Variants in RGS3 observed in about 807,000 individuals in gnomAD.
RGS3 encodes the protein regulator of G-protein signalling 3.
In RGS3, 80 loss-of-function variants were observed where a neutral mutation model predicts 132.6. The ratio of observed to expected loss-of-function variants is 0.60; its 90% CI spans 0.50 to 0.73. The LOEUF (loss-of-function observed/expected upper bound fraction) is 0.73. RGS3 is among the 30% of genes least tolerant of loss of function. RGS3 has a pLI of 0.00. For missense variants in RGS3, 1,382 were observed against 1,530.8 expected, an observed-to-expected ratio of 0.90 and a Z score of 1.62; for synonymous variants, 598 against 620.6, an observed-to-expected ratio of 0.96 and a Z score of 0.54.
intron 18 of RGS3, among the ~76,000 whole-genome samples, chr9:113,531,754 C>T (rs1056189812): frequency 2.0e-5 from 3 of 152,192 alleles, no homozygotes; most frequent in Non-Finnish European, 1.5e-5. Context: ...CCGAGACCTC[C>T]TGGGGCCAGT....
exon 20 of RGS3, chr9:113,583,587 C>G: frequency 6.2e-7 from 1 of 1,614,196 alleles, no homozygotes; most frequent in Non-Finnish European, 8.5e-7. Context: ...TTCCACCCAA[C>G]AAGGACTCCC....
chr9:113,561,586 ATTT>A (rs1181886025), intron 19 of RGS3, among the ~76,000 whole-genome samples: 3 of 133,268 alleles, frequency 2.3e-5, no homozygotes, highest in African/African-American at 5.6e-5. Context: ...CTAATTTTTA[ATTT>A]TTTTTTTTTT....
At chr9:113,596,265 C>T (rs538383593) in intron 24 of RGS3, among the ~76,000 whole-genome samples, 195 of 152,226 alleles carry the variant, frequency 1.3e-3, no homozygotes, top group African/African-American at 4.5e-3. Context: ...ACCCGGGAGG[C>T]GGAGGTTGCA....
intron 19 of RGS3, among the ~76,000 whole-genome samples, chr9:113,540,724 C>T (rs1339478496): frequency 6.6e-6 from 1 of 152,250 alleles, no homozygotes; most frequent in African/African-American, 2.4e-5. Context: ...CAATCCATCA[C>T]CCCCTTTCCT....
intron 4 of RGS3, among the ~76,000 whole-genome samples, chr9:113,480,911 T>C (rs1285080986): frequency 2.6e-5 from 4 of 152,210 alleles, no homozygotes; most frequent in African/African-American, 9.7e-5. Context: ...GCCCTGTCTA[T>C]CTCTCCAGCC....
Position 113,480,577 on chromosome 9 carries a change from A to G in RGS3, c.466+1036A>G, listed in dbSNP as rs554549159. ...ACCCACCCCTGTCTAGATGGTGTTGATGGGATGCCAGGGAAGACTTGGCGG... is the reference window on the plus strand; with the variant it reads ...ACCCACCCCTGTCTAGATGGTGTTGGTGGGATGCCAGGGAAGACTTGGCGG... On this transcript the variant is annotated intron_variant, in intron 4 of 24. Transcript: ENST00000350696. Among the ~76,000 whole-genome samples, 3 of 151,890 alleles carry G rather than the reference A, an allele frequency of 2.0e-5. No individual in the cohort carries two copies. The East Asian group carries it at 5.8e-4, about 29-fold the overall frequency.
intron 19 of RGS3, among the ~76,000 whole-genome samples, chr9:113,555,522 T>C (rs1184249383): frequency 6.6e-6 from 1 of 151,712 alleles, no homozygotes; most frequent in Non-Finnish European, 1.5e-5. Flanking sequence ...GGCTGGAGTG[T>C]AGTGGTGCAA....
rs1384589415 is a variant in RGS3 at position 113,579,367 on chromosome 9, T to C, written c.2038-4083T>C. On this transcript the variant is annotated intron_variant, in intron 19 of 24. Transcript: ENST00000350696. The surrounding 1 kb of genome is among the most constrained non-coding windows in gnomAD (Gnocchi z 4.3). ...AGCCTATTCTGAGCTCTGGATTGGA[T>C]TTGGGAGAGGATTTGATTAGGTCCT... Among the ~76,000 whole-genome samples, 2 of 152,152 alleles carry C rather than the reference T, an allele frequency of 1.3e-5. No individual in the cohort carries two copies. The highest frequency in any genetic ancestry group is 4.8e-5 in the African/African-American group (2 of 41,432).
chr9:113,486,439 T>TAA (rs1391542810), intron 7 of RGS3, among the ~76,000 whole-genome samples: 43 of 152,334 alleles, frequency 2.8e-4, no homozygotes, highest in Non-Finnish European at 4.6e-4. Flanking sequence ...AACAGGCTGA[T>TAA]CTTGCAGGCA....
chr9:113,495,840 A>T, exon 8 of RGS3: 1 of 1,613,936 alleles, frequency 6.2e-7, no homozygotes, highest in South Asian at 1.1e-5. Flanking sequence ...TCCTGACTCC[A>T]GACAAGGTGG....
rs199510692 is a variant in RGS3 at position 113,522,975 on chromosome 9, G to T, written c.1804G>T (p.Asp602Tyr). Reference sequence around the variant, plus strand: ...GGACCTGCTGCTCTTCACCAAGGAGGACGAGCCTGGCCGCTGCGACGTCCT... The same window carrying T: ...GGACCTGCTGCTCTTCACCAAGGAGTACGAGCCTGGCCGCTGCGACGTCCT... Residue 602 changes from aspartate to tyrosine, a missense_variant, in exon 17 of 25, where the codon GAC (aspartate) becomes TAC (tyrosine). Coordinates refer to ENST00000350696, the Ensembl canonical transcript of RGS3. 5 of 1,614,172 alleles carry T rather than the reference G, an allele frequency of 3.1e-6. No individual in the cohort carries two copies. In the East Asian group the frequency reaches 1.1e-4, roughly 36 times the overall value.
rs562055914 is a variant in RGS3, at chr9:113,522,817, G to A, written c.1759-113G>A. The A allele has an allele frequency of 1.3e-5, 10 of 757,298 alleles. No homozygotes were observed. In the East Asian group the frequency reaches 2.4e-4, roughly 19 times the overall value. 46.9% of individuals were successfully genotyped at this position (757,298 alleles called of 1,614,324 possible). A position where few individuals can be genotyped will look rare whatever the true frequency, so the allele number is the denominator to read the frequency against. On this transcript the variant is annotated intron_variant, in intron 16 of 24. Transcript: ENST00000350696. ...TGCTCCTGGTTTTGTGTGAGATGAT[G>A]AGGATGCATTATCTGGGGAGGCTGT...
At chr9:113,557,090 T>A (rs1484349038) in intron 19 of RGS3, among the ~76,000 whole-genome samples, 1 of 152,242 alleles carries the variant, frequency 6.6e-6, no homozygotes, top group African/African-American at 2.4e-5. Context: ...TCAAACACTG[T>A]GCTAAGTACT....
chr9:113,547,266 G>A (rs1833154003), intron 19 of RGS3, among the ~76,000 whole-genome samples: 1 of 152,220 alleles, frequency 6.6e-6, no homozygotes, highest in Admixed American at 6.5e-5. Context: ...GAAACAGAGT[G>A]TATGTGTATG....
intron 7 of RGS3, 63 bp downstream of exon 5, chr9:113,485,756 GC>G: frequency 8.1e-7 from 1 of 1,240,166 alleles, no homozygotes; most frequent in Non-Finnish European, 1.2e-6. Flanking sequence ...CAGCCAGGTG[GC>G]CAGCATACAC....
chr9:113,518,335 G>A (rs925996442), intron 16 of RGS3, among the ~76,000 whole-genome samples: 3 of 152,224 alleles, frequency 2.0e-5, no homozygotes, highest in Non-Finnish European at 2.9e-5. Context: ...TGGCTGAGTC[G>A]AGTGGCAGCT....
intron 7 of RGS3, among the ~76,000 whole-genome samples, chr9:113,487,380 G>A (rs1199401253): frequency 6.6e-6 from 1 of 152,004 alleles, no homozygotes; most frequent in African/African-American, 2.4e-5. Context: ...CAAAGTGCTG[G>A]GATTACAGGC....
At chr9:113,481,018 C>CT (rs1388949629) in intron 4 of RGS3, among the ~76,000 whole-genome samples, 1 of 152,252 alleles carries the variant, frequency 6.6e-6, no homozygotes, top group Admixed American at 6.5e-5. Flanking sequence ...GCCTCTGTGC[C>CT]TTTGCACCTG....
chr9:113,578,573 G>A (rs1244799231), intron 19 of RGS3, among the ~76,000 whole-genome samples: 1 of 152,116 alleles, frequency 6.6e-6, no homozygotes, highest in Non-Finnish European at 1.5e-5. Context: ...AGCTGGTGGC[G>A]GAGGAAGGAC....
Sources: gnomAD v4.1 joint callset for allele counts (sites outside exome capture counted in the v4.1 genomes callset) on GRCh38, gnomAD v4.1.1 for gene constraint, Gnocchi (gnomAD v3.1) non-coding constraint, MANE v1.5 for transcripts, NCBI Gene and HGNC (gene_info 2026-07-23, HGNC 2026-07-21) for gene names.